The following FMN1 variants were observed in gnomAD, a reference collection of about 807,000 sequenced individuals.
FMN1 encodes the protein formin-1.
A neutral mutation model predicts 132.4 loss-of-function variants in FMN1; 110 were observed. The observed-to-expected ratio is 0.83, with a 90% CI of 0.71 to 0.97. FMN1 has a LOEUF of 0.97. FMN1 is among the 50% of genes least tolerant of loss of function. The probability of loss-of-function intolerance (pLI) is 0.00; values close to 1 mark genes in which losing one functional copy is unlikely to be tolerated. For missense variants in FMN1, 1,792 were observed against 1,705.3 expected, an observed-to-expected ratio of 1.05 and a Z score of -0.90; for synonymous variants, 722 against 651.7, an observed-to-expected ratio of 1.11 and a Z score of -1.64.
At chr15:32,792,096 T>C (rs1595920624) in intron 19 of FMN1, among the ~76,000 whole-genome samples, 3 of 145,510 alleles carry the variant, frequency 2.1e-5, no homozygotes, top group South Asian at 2.2e-4. Context: ...AGAAGGGGAG[T>C]AGTCACCTTC....
chr15:33,141,898 C>G (rs535914815), intron 4 of FMN1, among the ~76,000 whole-genome samples: 4 of 152,026 alleles, frequency 2.6e-5, no homozygotes, highest in Non-Finnish European at 5.9e-5. Flanking sequence ...CTCCCAGCAG[C>G]GGAGAGAACA....
At chr15:33,113,080 G>GTTTAACACCCC in intron 4 of FMN1, among the ~76,000 whole-genome samples, 1 of 152,284 alleles carries the variant, frequency 6.6e-6, no homozygotes, top group Admixed American at 6.5e-5. Flanking sequence ...CAACCAAAGT[G>GTTTAACACCCC]TTTAACACCC....
rs79974495 is a variant in FMN1, at chr15:32,997,452, A to G, written c.2223+10562T>C. On this transcript the variant is annotated intron_variant, in intron 7 of 20. Transcript: ENST00000616417. Reference sequence around the variant, plus strand: ...AATCATTATACTAGGCAGTGAATACATATCAAATTTAGAAACCAGGCAGAC... The same window carrying G: ...AATCATTATACTAGGCAGTGAATACGTATCAAATTTAGAAACCAGGCAGAC... Among the ~76,000 whole-genome samples the G allele has an allele frequency of 8.5e-5, 13 of 152,232 alleles. No homozygotes were observed. The South Asian group carries it at 2.5e-3, about 29-fold the overall frequency.
intron 9 of FMN1, among the ~76,000 whole-genome samples, chr15:32,939,190 G>A (rs1567430719): frequency 6.6e-6 from 1 of 152,160 alleles, no homozygotes; most frequent in African/African-American, 2.4e-5. Context: ...AGGCTCAAGA[G>A]TCCTGTAAAG....
At chr15:33,160,753 G>A (rs953161536) in intron 3 of FMN1, among the ~76,000 whole-genome samples, 3 of 152,266 alleles carry the variant, frequency 2.0e-5, no homozygotes, top group African/African-American at 7.2e-5. Flanking sequence ...CTCTGGTTAT[G>A]TTCAAGGTAA....
intron 15 of FMN1, among the ~76,000 whole-genome samples, chr15:32,895,298 G>A (rs2060126813): frequency 6.7e-6 from 1 of 148,348 alleles, no homozygotes; most frequent in East Asian, 2.0e-4. Flanking sequence ...TTACCTGTCT[G>A]ACATGAAGAA....
At chr15:33,188,150 T>C (rs1036401546) in intron 2 of FMN1, among the ~76,000 whole-genome samples, 2 of 148,946 alleles carry the variant, frequency 1.3e-5, no homozygotes, top group Non-Finnish European at 3.0e-5. Flanking sequence ...CTGGCCAAGA[T>C]GGTGAAACCC....
rs182264973 is a variant in FMN1 at position 32,836,116 on chromosome 15, C to T, written c.3928+20899G>A. On this transcript the variant is annotated intron_variant, in intron 17 of 20. Transcript: ENST00000616417. ...CCTCAGGTGATCCTCCCACTTTAGCCTCCCAAAGTCCTGAGATTACAGGTG... is the reference window on the plus strand; with the variant it reads ...CCTCAGGTGATCCTCCCACTTTAGCTTCCCAAAGTCCTGAGATTACAGGTG... Among the ~76,000 whole-genome samples, 4 of 152,222 alleles carry T rather than the reference C, an allele frequency of 2.6e-5. No individual in the cohort carries two copies. In the East Asian group the frequency reaches 7.7e-4, roughly 29 times the overall value.
chr15:32,998,882 G>A (rs538339737), intron 7 of FMN1, among the ~76,000 whole-genome samples: 105 of 152,262 alleles, frequency 6.9e-4, no homozygotes, highest in Non-Finnish European at 1.2e-3. Flanking sequence ...TATCTGAATT[G>A]TCTGAAGGCA....
chr15:33,057,554 G>A (rs1474971129), intron 6 of FMN1, among the ~76,000 whole-genome samples: 1 of 152,184 alleles, frequency 6.6e-6, no homozygotes, highest in African/African-American at 2.4e-5. Context: ...CTTGCCACAT[G>A]TCACAGCTGG....
At chr15:33,067,208 G>T (rs1301847896) in intron 5 of FMN1, 1 of 1,613,488 alleles carries the variant, frequency 6.2e-7, no homozygotes, top group East Asian at 2.2e-5. Flanking sequence ...GCGACGCTCT[G>T]TCTGAAGACC....
At chr15:32,894,973 T>C (rs1431054230) in intron 15 of FMN1, among the ~76,000 whole-genome samples, 4 of 152,178 alleles carry the variant, frequency 2.6e-5, no homozygotes, top group African/African-American at 9.7e-5. Flanking sequence ...TCCTATACAC[T>C]CTCCATAAGA....
chr15:32,942,499 C>T (rs550940104), intron 9 of FMN1, among the ~76,000 whole-genome samples: 3 of 152,258 alleles, frequency 2.0e-5, no homozygotes, highest in East Asian at 3.9e-4. Flanking sequence ...TCTGAATAGA[C>T]CACAAGTGCT....
At chr15:33,028,110 G>A (rs1233583682) in intron 6 of FMN1, among the ~76,000 whole-genome samples, 1 of 152,302 alleles carries the variant, frequency 6.6e-6, no homozygotes, top group East Asian at 1.9e-4. Flanking sequence ...ATCACCTGGG[G>A]AGGTTTAAAA....
chr15:33,023,059 C>CCA (rs1555383587), intron 6 of FMN1, among the ~76,000 whole-genome samples: 8 of 53,190 alleles, frequency 1.5e-4, no homozygotes, highest in Admixed American at 9.1e-4. Context: ...CTCCCCCACC[C>CCA]AAAAAAAAAA....
intron 6 of FMN1, among the ~76,000 whole-genome samples, chr15:33,010,263 G>C (rs143244126): frequency 6.6e-6 from 1 of 152,270 alleles, no homozygotes; most frequent in African/African-American, 2.4e-5. Context: ...ACAATCTAGA[G>C]GGATGAAGAA....
intron 14 of FMN1, among the ~76,000 whole-genome samples, chr15:32,899,134 GAA>G (rs2141583474): frequency 7.1e-6 from 1 of 140,348 alleles, no homozygotes; most frequent in East Asian, 2.0e-4. Flanking sequence ...TAAAACTTCT[GAA>G]ATAATGGCTA....
At chr15:33,133,816 A>G (rs1963648798) in intron 4 of FMN1, among the ~76,000 whole-genome samples, 1 of 152,190 alleles carries the variant, frequency 6.6e-6, no homozygotes, top group Admixed American at 6.5e-5. Flanking sequence ...CCGACTTCCA[A>G]CCTGTGCTAT....
chr15:33,067,161 C>G, intron 5 of FMN1: 1 of 1,613,922 alleles, frequency 6.2e-7, no homozygotes, highest in Non-Finnish European at 8.5e-7. Flanking sequence ...GCAGGTAGGT[C>G]TTGGGACCCT....
Sources: gnomAD v4.1 joint callset for allele counts (sites outside exome capture counted in the v4.1 genomes callset) on GRCh38, gnomAD v4.1.1 for gene constraint, MANE v1.5 for transcripts, NCBI Gene and HGNC (gene_info 2026-07-23, HGNC 2026-07-21) for gene names.